The following MFAP5 variants were observed in gnomAD, a reference collection of about 807,000 sequenced individuals.
MFAP5 encodes microfibrillar-associated protein 5.
A neutral mutation model predicts 30.1 loss-of-function variants in MFAP5; 19 were observed. The ratio of observed to expected loss-of-function variants is 0.63; its 90% CI spans 0.44 to 0.93. The LOEUF is 0.93. Ranked by LOEUF, MFAP5 falls within the 40% of genes least tolerant of loss-of-function variation. The pLI is 0.00. For synonymous variants in MFAP5, 92 were observed against 72.9 expected (o/e 1.26, Z -1.33); for missense variants, 210 against 221.3 (o/e 0.95, Z 0.32).
Position 8,650,543 on chromosome 12 carries a change from A to G in MFAP5, c.294T>C (p.His98=). The G allele has an allele frequency of 6.2e-7, 1 of 1,614,130 alleles. No individual in the cohort carries two copies. Among genetic ancestry groups the G allele is most frequent in the Non-Finnish European group, 8.5e-7 (1 of 1,180,028 alleles). The change falls in exon 8 of 10, where the codon CAT becomes CAC. Residue 98 remains histidine, a synonymous_variant. Transcript: ENST00000359478. ...GATGAATGCATTGTTTAACCGGCCGATGCACAGAGTAGAGCCTTGTGCAGG... is the reference window on the plus strand; with the variant it reads ...GATGAATGCATTGTTTAACCGGCCGGTGCACAGAGTAGAGCCTTGTGCAGG... The part of the protein sequence containing the change: ...KFTCTRLYSV[H]RPVKQCIHQL...
intron 3 of MFAP5, among the ~76,000 whole-genome samples, chr12:8,657,642 G>T (rs918891769): frequency 6.9e-6 from 1 of 144,430 alleles, no homozygotes; most frequent in African/African-American, 2.6e-5. Context: ...GCATGATCTC[G>T]GCTCACTGCA....
At chr12:8,655,570 G>C (rs1307167963) in intron 4 of MFAP5, 123 bp from the exon 5 acceptor site, 5 of 1,050,270 alleles carry the variant, frequency 4.8e-6, no homozygotes, top group Non-Finnish European at 5.6e-6. Flanking sequence ...CTGTGGACTC[G>C]GGCAGATGAG....
chr12:8,659,317 A>T (rs754715871), intron 3 of MFAP5, among the ~76,000 whole-genome samples: 20 of 151,750 alleles, frequency 1.3e-4, no homozygotes, highest in Admixed American at 5.9e-4. Context: ...TCGAAAAAAA[A>T]AAAAAATAAA....
At chr12:8,655,955 T>C (rs1460316113) in intron 3 of MFAP5, 125 bp from the exon 4 acceptor site, 4 of 758,048 alleles carry the variant, frequency 5.3e-6, no homozygotes, top group East Asian at 2.4e-5. Flanking sequence ...ATGTTTTTCC[T>C]TGACTGCTTA....
At chr12:8,650,738 C>T (rs1189487855) in intron 7 of MFAP5, 149 bp from the exon 8 acceptor site, 3 of 679,844 alleles carry the variant, frequency 4.4e-6, no homozygotes, top group Admixed American at 2.8e-5. Flanking sequence ...TACATCCTTT[C>T]CGTCCACCAA....
In MFAP5 at chr12:8,647,022, G is replaced by A. The variant is rs191304918; in HGVS notation, c.*1069C>T. 10 of 152,198 alleles carry A rather than the reference G, an allele frequency of 6.6e-5. No individual in the cohort carries two copies. 9.4% of individuals were successfully genotyped at this position (152,198 alleles called of 1,614,324 possible). A position where few individuals can be genotyped will look rare whatever the true frequency, so the allele number is the denominator to read the frequency against. On this transcript the variant is annotated 3_prime_UTR_variant, in exon 10 of 10. Coordinates refer to ENST00000359478, the MANE Select transcript of MFAP5 (RefSeq NM_003480.4). ...AGGAAAATGGCTTATCCAAGGCTACGTGGTTACTGCTAGAGCCAGGATAAG... is the reference window on the plus strand; with the variant it reads ...AGGAAAATGGCTTATCCAAGGCTACATGGTTACTGCTAGAGCCAGGATAAG...
rs758632882 is a variant in MFAP5 at position 8,647,577 on chromosome 12, G to A, written c.*514C>T. The stretch of plus-strand genomic sequence containing the variant: ...ATGATGTGTCTTATAAGGAAGACTT[G>A]CCAGGCAAATTTTCGGGCAAGCCAG... On this transcript the variant is annotated 3_prime_UTR_variant, in exon 10 of 10. Transcript: ENST00000359478. The A allele has an allele frequency of 6.6e-6, 1 of 152,308 alleles. No individual in the cohort carries two copies. The highest frequency in any genetic ancestry group is 1.5e-5 in the Non-Finnish European group (1 of 68,122). 9.4% of individuals were successfully genotyped at this position (152,308 alleles called of 1,614,324 possible). A position where few individuals can be genotyped will look rare whatever the true frequency, so the allele number is the denominator to read the frequency against.
chr12:8,656,621 CACAT>C (rs1417420028), intron 3 of MFAP5, among the ~76,000 whole-genome samples: 2 of 133,562 alleles, frequency 1.5e-5, no homozygotes, highest in Admixed American at 7.9e-5. Context: ...TATATATACA[CACAT>C]ACACACACAC....
intron 8 of MFAP5, 149 bp downstream of exon 8, chr12:8,650,353 T>C (rs1941799627): frequency 1.5e-6 from 1 of 676,538 alleles, no homozygotes; most frequent in Non-Finnish European, 2.7e-6. Flanking sequence ...CAGGTTCTAG[T>C]TGGTACATTC....
In MFAP5 at chr12:8,647,907, C is replaced by T. The variant is rs188010901; in HGVS notation, c.*184G>A. 1.9e-5 allele frequency: 9 copies of T among 472,812 alleles called. No homozygotes were observed. The Admixed American group carries it at 2.9e-4, about 15-fold the overall frequency. The allele number at this position is 472,812 out of a possible 1,614,324, so 29.3% of individuals were successfully genotyped here. The stretch of plus-strand genomic sequence containing the variant: ...TAATATAGACTTTGTATTTTAAGTG[C>T]TAGAAAATGAGATAAATGTTATCAG... On this transcript the variant is annotated 3_prime_UTR_variant, in exon 10 of 10. Transcript: ENST00000359478.
intron 3 of MFAP5, 134 bp downstream of exon 3, chr12:8,660,729 T>G: frequency 3.9e-6 from 3 of 765,452 alleles, no homozygotes; most frequent in Non-Finnish European, 6.3e-6. Context: ...GCAATGCATC[T>G]CTTTGTTGTA....
Position 8,655,788 on chromosome 12 carries a change from G to A in MFAP5, c.137C>T (p.Pro46Leu), listed in dbSNP as rs982337368. 1 of 1,610,624 alleles carries A rather than the reference G, an allele frequency of 6.2e-7. No individual in the cohort carries two copies. The highest frequency in any genetic ancestry group is 8.5e-7 in the Non-Finnish European group (1 of 1,179,496). The change falls in exon 4 of 10, where the codon CCT (proline) becomes CTT (leucine). Residue 46 changes from proline to leucine, a missense_variant and splice_region_variant. Transcript: ENST00000359478. ...AAACAAACAAAAGTGTAGCTTACTA[G>A]GATCTTCTGTGAATGTTTCTGGAGT... is the stretch of plus-strand genomic sequence containing the variant. ...QATPETFTED[P>L]NLVNDPATDE...
intron 9 of MFAP5, chr12:8,648,705 A>T (rs1941750946): frequency 1.5e-5 from 5 of 335,276 alleles, no homozygotes; most frequent in South Asian, 5.4e-5. Flanking sequence ...CTTCCCTTGC[A>T]GGTGGCTTGC....
chr12:8,656,639 C>T (rs12811351), intron 3 of MFAP5, among the ~76,000 whole-genome samples: 4,465 of 127,812 alleles, frequency 0.035, 102 homozygotes, highest in Middle Eastern at 0.051. Context: ...CACACACACA[C>T]ACACACACAC....
Position 8,660,944 on chromosome 12 carries a change from TA to T in MFAP5, c.59-47del, listed in dbSNP as rs747670357. On this transcript the variant is annotated intron_variant, in intron 2 of 9. Transcript: ENST00000359478. ...AGAGATGTGAGTGACTGCAGCTCTA[TA>T]CCTCGTAACCCTTTTATGAGACAAA... is the stretch of plus-strand genomic sequence containing the variant. 6 of 1,523,108 alleles carry T rather than the reference TA, an allele frequency of 3.9e-6. No individual in the cohort carries two copies. The East Asian group carries it at 1.1e-4, about 29-fold the overall frequency. The allele number at this position is 1,523,108 out of a possible 1,614,324, so 94.3% of individuals were successfully genotyped here.
rs1273555530 is a variant in MFAP5 at position 8,646,276 on chromosome 12, A to T, written c.*1815T>A. ...TCAGTTGTACAGATCCCATTAAACG[A>T]AATTGTTTCTTAACAGCAAGAATCT... On this transcript the variant is annotated 3_prime_UTR_variant, in exon 10 of 10. Transcript: ENST00000359478. The T allele has an allele frequency of 1.3e-5, 2 of 152,256 alleles. No individual in the cohort carries two copies. Among genetic ancestry groups the T allele is most frequent in the African/African-American group, 2.4e-5 (1 of 41,458 alleles). The allele number at this position is 152,256 out of a possible 1,614,324, so 9.4% of individuals were successfully genotyped here. A position where few individuals can be genotyped will look rare whatever the true frequency, so the allele number is the denominator to read the frequency against.
Position 8,651,708 on chromosome 12 carries a change from T to G in MFAP5, c.218-17A>C. 2 of 1,611,982 alleles carry G rather than the reference T, an allele frequency of 1.2e-6. No individual in the cohort carries two copies. Among genetic ancestry groups the G allele is most frequent in the Non-Finnish European group, 1.7e-6 (2 of 1,178,088 alleles). The stretch of plus-strand genomic sequence containing the variant: ...TGAGGGAGGCTGAAAGGCAGAAATT[T>G]TATTCCACTGTTACCAATTCTAGAA... On this transcript the variant is annotated splice_polypyrimidine_tract_variant and intron_variant, in intron 6 of 9. Coordinates refer to ENST00000359478, the MANE Select transcript of MFAP5 (RefSeq NM_003480.4).
intron 6 of MFAP5, among the ~76,000 whole-genome samples, chr12:8,652,843 AGTT>A (rs1407349312): frequency 6.6e-6 from 1 of 152,196 alleles, no homozygotes; most frequent in African/African-American, 2.4e-5. Context: ...CACTAATTCT[AGTT>A]GTTATACAGT....
Position 8,648,208 on chromosome 12 carries a change from A to C in MFAP5, c.410-5T>G, listed in dbSNP as rs1020407173. 6.2e-6 allele frequency: 10 copies of C among 1,605,756 alleles called. No individual in the cohort carries two copies. Among genetic ancestry groups the C allele is most frequent in the Non-Finnish European group, 7.7e-6 (9 of 1,172,556 alleles). The stretch of plus-strand genomic sequence containing the variant: ...CCATCTGACGGCAAAGCTCATCTAG[A>C]AGAGAAGCAGAACATCATGGGAAGA... On this transcript the variant is annotated splice_region_variant and splice_polypyrimidine_tract_variant and intron_variant, in intron 9 of 9. Transcript: ENST00000359478.
Sources: allele counts gnomAD v4.1 joint callset (sites outside exome capture counted in the v4.1 genomes callset), GRCh38; gene constraint gnomAD v4.1.1; transcripts MANE v1.5; gene names NCBI Gene and HGNC (gene_info 2026-07-23, HGNC 2026-07-21).